The following TTC28 variants were observed in gnomAD, a reference collection of about 807,000 sequenced individuals.
TTC28 encodes the protein tetratricopeptide repeat protein 28.
Under a neutral mutation model 198.0 loss-of-function variants are expected in TTC28, and 61 were observed. The observed-to-expected ratio is 0.31, with a 90% confidence interval of 0.25 to 0.38. The LOEUF is 0.38. Among genes scored for constraint, TTC28 ranks in the 10% least tolerant of loss-of-function variants. TTC28 has a pLI of 1.00. For synonymous variants in TTC28, 1,171 were observed against 1,297.8 expected (o/e 0.90, Z 2.10); for missense variants, 2,678 against 3,164.0 (o/e 0.85, Z 3.69).
intron 1 of TTC28, among the ~76,000 whole-genome samples, chr22:28,634,381 G>A (rs979561566): frequency 2.6e-5 from 4 of 151,776 alleles, no homozygotes; most frequent in African/African-American, 4.8e-5. Context: ...GTGGTGGCAC[G>A]AGCCTGTAGT....
chr22:28,512,950 A>G (rs2048712351), intron 2 of TTC28, among the ~76,000 whole-genome samples: 1 of 151,510 alleles, frequency 6.6e-6, no homozygotes, highest in African/African-American at 2.4e-5. Flanking sequence ...AAAAAAAGAG[A>G]AAGTTATCTT....
chr22:28,309,147 G>A (rs979190621), intron 2 of TTC28, among the ~76,000 whole-genome samples: 1 of 152,116 alleles, frequency 6.6e-6, no homozygotes, highest in African/African-American at 2.4e-5. Context: ...AGCACCCAAC[G>A]AAATTAGCTA....
chr22:28,520,707 A>G (rs2048887866), intron 2 of TTC28, among the ~76,000 whole-genome samples: 1 of 152,122 alleles, frequency 6.6e-6, no homozygotes, highest in African/African-American at 2.4e-5. Context: ...GCAGTGAGAT[A>G]TGATCACACC....
intron 13 of TTC28, chr22:28,029,027 G>A (rs1259062099): frequency 2.1e-6 from 1 of 471,142 alleles, no homozygotes; most frequent in South Asian, 1.5e-5. Context: ...GTGGAGGTAA[G>A]TGTCACCTGC....
intron 12 of TTC28, among the ~76,000 whole-genome samples, chr22:28,084,617 A>G: frequency 6.6e-6 from 1 of 152,200 alleles, no homozygotes; most frequent in East Asian, 1.9e-4. Flanking sequence ...TCCTCCTCCA[A>G]AGAAACGCAG....
chr22:28,421,533 A>G (rs1432647462), intron 2 of TTC28, among the ~76,000 whole-genome samples: 2 of 152,204 alleles, frequency 1.3e-5, no homozygotes, highest in Non-Finnish European at 2.9e-5. Flanking sequence ...ATTAGTAATA[A>G]TTATCAATTA....
chr22:28,234,577 T>C (rs541089640), intron 5 of TTC28, among the ~76,000 whole-genome samples: 30 of 151,850 alleles, frequency 2.0e-4, no homozygotes, highest in Non-Finnish European at 3.2e-4. Context: ...TTCACCATGT[T>C]AGCCAGGCTG....
chr22:28,047,458 C>G lies in TTC28; in HGVS notation c.3933-17092G>C, dbSNP rs187690968. Among the ~76,000 whole-genome samples, 412 of 152,268 alleles carry G rather than the reference C, an allele frequency of 2.7e-3. 4 individuals are homozygous for G. Among genetic ancestry groups the G allele is most frequent in the Non-Finnish European group, 4.3e-3 (295 of 68,014 alleles). ...TGGAGAGGCCATAGAAGGTGCACAG[C>G]CAGACGCCAAGGGCTGAGAAGAAAA... On this transcript the variant is annotated intron_variant, in intron 12 of 22. Transcript: ENST00000397906.
intron 5 of TTC28, among the ~76,000 whole-genome samples, chr22:28,182,625 A>G (rs1413778133): frequency 1.3e-5 from 2 of 152,084 alleles, no homozygotes; most frequent in Admixed American, 6.5e-5. Context: ...AAAGAATATC[A>G]TTACAGCCCC....
At chr22:28,127,948 C>T (rs1468490220) in intron 6 of TTC28, among the ~76,000 whole-genome samples, 1 of 149,028 alleles carries the variant, frequency 6.7e-6, no homozygotes, top group Non-Finnish European at 1.5e-5. Context: ...AGACTGGTCT[C>T]AAACTCATGG....
chr22:28,439,056 C>G (rs2047571029), intron 2 of TTC28, among the ~76,000 whole-genome samples: 1 of 152,060 alleles, frequency 6.6e-6, no homozygotes. Flanking sequence ...TATAAGAAAG[C>G]CTAAAAATAT....
At chr22:28,472,759 C>T (rs1300881353) in intron 2 of TTC28, among the ~76,000 whole-genome samples, 1 of 151,972 alleles carries the variant, frequency 6.6e-6, no homozygotes, top group East Asian at 1.9e-4. Flanking sequence ...CCAAAAAATT[C>T]CCAAAGGACA....
intron 12 of TTC28, among the ~76,000 whole-genome samples, chr22:28,086,021 C>T (rs111553273): frequency 6.6e-6 from 1 of 152,070 alleles, no homozygotes; most frequent in South Asian, 2.1e-4. Context: ...AGCAAGTCCT[C>T]AGTGACCTAC....
rs187711296 is a variant in TTC28 at position 28,375,820 on chromosome 22, G to T, written c.382-69177C>A. Among the ~76,000 whole-genome samples the T allele has an allele frequency of 3.3e-3, 506 of 152,298 alleles. 2 individuals carry two copies. Among genetic ancestry groups the T allele is most frequent in the Admixed American group, 6.0e-3 (92 of 15,296 alleles). On this transcript the variant is annotated intron_variant, in intron 2 of 22. Coordinates refer to ENST00000397906, the MANE Select transcript of TTC28 (RefSeq NM_001145418.2). ...GGAGAGAACAAAAAGGGAAAGAAAA[G>T]GATTTCCTGTTTCTCTCCAGGAAGT...
chr22:27,982,140 G>A lies in TTC28; in HGVS notation c.*81C>T, dbSNP rs1308840135. The A allele has an allele frequency of 1.6e-5, 22 of 1,360,980 alleles. No individual in the cohort carries two copies. The highest frequency in any genetic ancestry group is 2.0e-5 in the Non-Finnish European group (20 of 1,021,358). 84.3% of individuals were successfully genotyped at this position (1,360,980 alleles called of 1,614,324 possible). On this transcript the variant is annotated 3_prime_UTR_variant, in exon 23 of 23. Coordinates refer to ENST00000397906, the MANE Select transcript of TTC28 (RefSeq NM_001145418.2). The surrounding 1 kb of genome is among the most constrained non-coding windows in gnomAD (Gnocchi z 5.2). ...ATGAGGGTGCTGGTGGCTGTGGGGG[G>A]ACTGCACTCAGGGAAGGGCTGAAGC...
intron 5 of TTC28, among the ~76,000 whole-genome samples, chr22:28,209,708 G>A (rs1288773449): frequency 4.6e-5 from 7 of 152,168 alleles, no homozygotes; most frequent in African/African-American, 1.7e-4. Flanking sequence ...CCACCTCTGG[G>A]GAGCAGGGCA....
At chr22:28,376,213 G>C (rs933609630) in intron 2 of TTC28, among the ~76,000 whole-genome samples, 2 of 152,190 alleles carry the variant, frequency 1.3e-5, no homozygotes, top group African/African-American at 4.8e-5. Context: ...CAGAGACAGT[G>C]AGCCAAAATG....
At chr22:28,289,384 C>T (rs1050500606) in intron 5 of TTC28, among the ~76,000 whole-genome samples, 2 of 152,162 alleles carry the variant, frequency 1.3e-5, no homozygotes, top group African/African-American at 4.8e-5. Context: ...AATTTATGTA[C>T]TCTTCTGACA....
chr22:28,113,382 C>T (rs1942542453), intron 6 of TTC28, among the ~76,000 whole-genome samples: 1 of 152,198 alleles, frequency 6.6e-6, no homozygotes, highest in Non-Finnish European at 1.5e-5. Context: ...ACCATCTATT[C>T]TCAGAGGCAA....
Sources: gnomAD v4.1 joint callset for allele counts (sites outside exome capture counted in the v4.1 genomes callset) on GRCh38, gnomAD v4.1.1 for gene constraint, Gnocchi (gnomAD v3.1) non-coding constraint, MANE v1.5 for transcripts, NCBI Gene and HGNC (gene_info 2026-07-23, HGNC 2026-07-21) for gene names.